Variants in FOXP2 observed in about 807,000 individuals in gnomAD.
FOXP2 encodes the protein forkhead box protein P2.
A neutral mutation model predicts 115.8 loss-of-function variants in FOXP2; 12 were observed. The observed-to-expected ratio is 0.10, with a 90% confidence interval of 0.07 to 0.17. The LOEUF is 0.17. Among genes scored for constraint, FOXP2 ranks in the 10% least tolerant of loss-of-function variants. The pLI is 1.00. For synonymous variants in FOXP2, 328 were observed against 297.7 expected (o/e 1.10, Z -1.05); for missense variants, 629 against 843.5 (o/e 0.75, Z 3.15).
chr7:114,430,254 G>C (rs1160498614), intron 2 of FOXP2, among the ~76,000 whole-genome samples: 2 of 151,814 alleles, frequency 1.3e-5, no homozygotes, highest in South Asian at 2.1e-4. Flanking sequence ...TTAAGCAAAA[G>C]TTTTAAATGA....
chr7:114,571,029 GTAAT>G, intron 3 of FOXP2: 1 of 736,414 alleles, frequency 1.4e-6, no homozygotes, highest in South Asian at 1.5e-5. Flanking sequence ...AGATACAGAT[GTAAT>G]TAGTTGATTT....
At chr7:114,471,720 C>A (rs913332835) in intron 2 of FOXP2, among the ~76,000 whole-genome samples, 1 of 151,036 alleles carries the variant, frequency 6.6e-6, no homozygotes, top group African/African-American at 2.4e-5. Flanking sequence ...GAGGCCGAGG[C>A]GGGCGGATCA....
intron 2 of FOXP2, among the ~76,000 whole-genome samples, chr7:114,533,876 C>G (rs762870196): frequency 5.3e-5 from 8 of 151,802 alleles, no homozygotes; most frequent in African/African-American, 1.9e-4. Context: ...AAATGAAATG[C>G]TTACATTAAT....
At chr7:114,569,305 A>G (rs1472124815) in intron 3 of FOXP2, among the ~76,000 whole-genome samples, 2 of 151,884 alleles carry the variant, frequency 1.3e-5, no homozygotes, top group Admixed American at 1.3e-4. Context: ...ACTGTTTTAA[A>G]TTGCCTGCAA....
intron 1 of FOXP2, among the ~76,000 whole-genome samples, chr7:114,168,654 G>T (rs541589917): frequency 6.6e-6 from 1 of 152,190 alleles, no homozygotes; most frequent in Non-Finnish European, 1.5e-5. Flanking sequence ...CCCATTTTCT[G>T]AGGAGAAATT....
chr7:114,503,647 A>G (rs1438454211), intron 2 of FOXP2, among the ~76,000 whole-genome samples: 1 of 150,936 alleles, frequency 6.6e-6, no homozygotes, highest in East Asian at 1.9e-4. Context: ...CTTTGTTGGA[A>G]TTTTGTCTTT....
intron 1 of FOXP2, among the ~76,000 whole-genome samples, chr7:114,169,807 T>C (rs1793090404): frequency 6.6e-6 from 1 of 152,008 alleles, no homozygotes; most frequent in Non-Finnish European, 1.5e-5. Context: ...AATTGAATCA[T>C]GGGACAGGTC....
chr7:114,613,692 A>G (rs940100610), intron 3 of FOXP2: 1 of 148,642 alleles, frequency 6.7e-6, no homozygotes, highest in African/African-American at 2.5e-5. Context: ...AAAAAAATGT[A>G]TATATATATA....
At chr7:114,210,092 A>G (rs1265548754) in intron 1 of FOXP2, among the ~76,000 whole-genome samples, 1 of 152,138 alleles carries the variant, frequency 6.6e-6, no homozygotes, top group African/African-American at 2.4e-5. Flanking sequence ...TTTGCTCAGT[A>G]AAGTTTGTTA....
At chr7:114,142,285 G>A (rs1439719592) in intron 1 of FOXP2, among the ~76,000 whole-genome samples, 1 of 152,158 alleles carries the variant, frequency 6.6e-6, no homozygotes, top group African/African-American at 2.4e-5. Flanking sequence ...GCCTCCCAAA[G>A]TGCTGGGATT....
chr7:114,275,032 C>A lies in FOXP2; in HGVS notation c.-101-12987C>A, dbSNP rs372992807. On this transcript the variant is annotated intron_variant, in intron 1 of 17. Coordinates refer to the FOXP2 transcript ENST00000634411. ...GGGAGAAATTAGATGTAATTCTTAT[C>A]TTTTTTTCTGTATAAGTAAGGTGTT... Among the ~76,000 whole-genome samples, 199 of 152,010 alleles carry A rather than the reference C, an allele frequency of 1.3e-3. 1 individual carries two copies. The highest frequency in any genetic ancestry group is 4.6e-3 in the African/African-American group (191 of 41,500).
intron 11 of FOXP2, among the ~76,000 whole-genome samples, chr7:114,658,596 G>A (rs1460279717): frequency 1.3e-5 from 2 of 152,152 alleles, no homozygotes; most frequent in Non-Finnish European, 2.9e-5. Context: ...TAATGCTGTA[G>A]AGAAGAGCCA....
At chr7:114,510,732 A>G (rs892623851) in intron 2 of FOXP2, among the ~76,000 whole-genome samples, 1 of 152,210 alleles carries the variant, frequency 6.6e-6, no homozygotes, top group Non-Finnish European at 1.5e-5. Flanking sequence ...ATGTGGAGAA[A>G]TAGGAATGCT....
chr7:114,425,840 A>G (rs990460722), intron 1 of FOXP2, among the ~76,000 whole-genome samples: 2 of 151,676 alleles, frequency 1.3e-5, no homozygotes, highest in Non-Finnish European at 3.0e-5. Flanking sequence ...TGTCAGAAAA[A>G]TAAATGAATA....
chr7:114,176,234 T>TCTTGTCTTG (rs1562992738), intron 1 of FOXP2, among the ~76,000 whole-genome samples: 1 of 149,528 alleles, frequency 6.7e-6, no homozygotes, highest in Non-Finnish European at 1.5e-5. Flanking sequence ...GTCTTGTCTT[T>TCTTGTCTTG]TCTTTCTTTC....
chr7:114,642,954 G>T (rs368413282), intron 7 of FOXP2, among the ~76,000 whole-genome samples: 5 of 150,040 alleles, frequency 3.3e-5, no homozygotes, highest in African/African-American at 9.8e-5. Context: ...GACTACAGGC[G>T]CCCGCCCCCA....
intron 3 of FOXP2, among the ~76,000 whole-genome samples, chr7:114,581,894 C>G (rs1204940128): frequency 6.6e-6 from 1 of 152,140 alleles, no homozygotes; most frequent in Non-Finnish European, 1.5e-5. Flanking sequence ...AAAGTCATTA[C>G]ATTTGGCAAG....
chr7:114,177,576 A>G (rs1345074185), intron 1 of FOXP2, among the ~76,000 whole-genome samples: 1 of 152,076 alleles, frequency 6.6e-6, no homozygotes, highest in Non-Finnish European at 1.5e-5. Context: ...ATCTATTTAT[A>G]TATGGTTTTG....
At chr7:114,215,434 C>T (rs1279619515) in intron 1 of FOXP2, among the ~76,000 whole-genome samples, 12 of 152,048 alleles carry the variant, frequency 7.9e-5, no homozygotes, top group African/African-American at 2.4e-4. Context: ...TGCCAGATTA[C>T]TAGGTTCAAC....
Sources: allele counts gnomAD v4.1 joint callset (sites outside exome capture counted in the v4.1 genomes callset), GRCh38; gene constraint gnomAD v4.1.1; transcripts MANE v1.5; gene names NCBI Gene and HGNC (gene_info 2026-07-23, HGNC 2026-07-21).